Variants in HPSE2 observed in about 807,000 individuals in gnomAD.
HPSE2 encodes heparanase 2 (inactive).
Under a neutral mutation model 60.5 loss-of-function variants are expected in HPSE2, and 38 were observed. The observed-to-expected ratio is 0.63, with a 90% CI of 0.48 to 0.82. The LOEUF (loss-of-function observed/expected upper bound fraction) is 0.82, where lower values mean the gene tolerates loss of function less well. Among genes scored for constraint, HPSE2 ranks in the 40% least tolerant of loss-of-function variants. The pLI, the probability that HPSE2 is intolerant of heterozygous loss-of-function variation, is 0.00. For synonymous variants in HPSE2, 295 were observed against 293.2 expected, an observed-to-expected ratio of 1.01 and a Z score of -0.06; for missense variants, 713 against 740.4, an observed-to-expected ratio of 0.96 and a Z score of 0.43.
chr10:98,547,605 T>A (rs1943727730), intron 9 of HPSE2, among the ~76,000 whole-genome samples: 1 of 124,748 alleles, frequency 8.0e-6, no homozygotes, highest in Non-Finnish European at 1.6e-5. Context: ...AATTGAACAA[T>A]GAGAACACAT....
rs1048180524 is a variant in HPSE2 at position 99,126,336 on chromosome 10, C to T, written c.610+17902G>A. On this transcript the variant is annotated intron_variant, in intron 3 of 11. Coordinates refer to ENST00000370552, the MANE Select transcript of HPSE2 (RefSeq NM_021828.5). This position sits in a 1 kb window ranked among gnomAD's most constrained non-coding sequence, Gnocchi z 4.0. ...CAAGTCTGAGCCCAGACTCACCTAA[C>T]CCTGCCCCAACCTGATGGTATTTCA... Among the ~76,000 whole-genome samples, 19 of 152,140 alleles carry T rather than the reference C, an allele frequency of 1.2e-4. No homozygotes were observed. Among genetic ancestry groups the T allele is most frequent in the African/African-American group, 4.3e-4 (18 of 41,432 alleles).
In HPSE2 at chr10:98,600,911, G is replaced by GTGTATA. The variant is rs1554950517; in HGVS notation, c.1320+13992_1320+13993insTATACA. ...TATATACGTATATATATGTGTGTGT[G>GTGTATA]TATATATATATATATATATATATAT... On this transcript the variant is annotated intron_variant, in intron 9 of 11. Coordinates refer to ENST00000370552, the MANE Select transcript of HPSE2 (RefSeq NM_021828.5). Among the ~76,000 whole-genome samples, 23 of 73,720 alleles carry GTGTATA rather than the reference G, an allele frequency of 3.1e-4. 1 individual carries two copies. Among genetic ancestry groups the GTGTATA allele is most frequent in the African/African-American group, 7.8e-4 (21 of 27,016 alleles). 48.4% of individuals were successfully genotyped at this position (73,720 alleles called of 152,430 possible).
the HPSE2 span, among the ~76,000 whole-genome samples, chr10:99,284,136 C>T: frequency 6.6e-6 from 1 of 152,182 alleles, no homozygotes; most frequent in Admixed American, 6.5e-5. Context: ...CAACAAACTA[C>T]CAGCAAGCAT....
intron 3 of HPSE2, among the ~76,000 whole-genome samples, chr10:98,805,075 A>G (rs1951010741): frequency 1.3e-5 from 2 of 152,272 alleles, no homozygotes; most frequent in South Asian, 4.1e-4. Context: ...CTGAAGATCT[A>G]AAAATCAAAA....
At chr10:99,095,612 G>C (rs544171432) in intron 3 of HPSE2, among the ~76,000 whole-genome samples, 3 of 152,278 alleles carry the variant, frequency 2.0e-5, no homozygotes, top group African/African-American at 7.2e-5. Flanking sequence ...CTATAGGTTT[G>C]ACTATGCCAG....
intron 3 of HPSE2, among the ~76,000 whole-genome samples, chr10:98,904,049 A>C (rs1220487552): frequency 1.3e-5 from 2 of 152,316 alleles, no homozygotes; most frequent in East Asian, 3.9e-4. Flanking sequence ...TGATAATTAA[A>C]TGTAAACATG....
chr10:98,750,352 G>A (rs1949731218), intron 3 of HPSE2, among the ~76,000 whole-genome samples: 2 of 152,094 alleles, frequency 1.3e-5, no homozygotes. Flanking sequence ...GGGCCTTACT[G>A]GTCATTATAA....
chr10:98,726,157 A>G (rs1949072713), intron 4 of HPSE2, among the ~76,000 whole-genome samples: 2 of 152,164 alleles, frequency 1.3e-5, no homozygotes, highest in Non-Finnish European at 2.9e-5. Flanking sequence ...AGCATTATAA[A>G]TCATGCTGCT....
chr10:98,627,918 A>G (rs1946259551), intron 7 of HPSE2, among the ~76,000 whole-genome samples: 1 of 152,226 alleles, frequency 6.6e-6, no homozygotes, highest in African/African-American at 2.4e-5. Context: ...AGAATTTAAA[A>G]TGCACATGGA....
chr10:99,134,614 C>A (rs184493388), intron 3 of HPSE2, among the ~76,000 whole-genome samples: 1 of 152,258 alleles, frequency 6.6e-6, no homozygotes, highest in East Asian at 1.9e-4. Context: ...CATAACCAAC[C>A]AAACTAAGTT....
chr10:99,247,255 A>AT, the HPSE2 span, among the ~76,000 whole-genome samples: 1 of 152,240 alleles, frequency 6.6e-6, no homozygotes, highest in East Asian at 1.9e-4. Flanking sequence ...TCCATAAGAC[A>AT]TTTTTAAACC....
chr10:98,934,915 T>A (rs1377580009), intron 3 of HPSE2, among the ~76,000 whole-genome samples: 1 of 143,558 alleles, frequency 7.0e-6, no homozygotes, highest in Non-Finnish European at 1.5e-5. Flanking sequence ...CTCTTTCAGG[T>A]ATCCAAACAG....
chr10:98,460,954 C>A (rs984540839), intron 11 of HPSE2, among the ~76,000 whole-genome samples: 1 of 152,230 alleles, frequency 6.6e-6, no homozygotes, highest in African/African-American at 2.4e-5. Context: ...AACAGGCCAC[C>A]AGCTGGAAAT....
chr10:98,839,414 G>T (rs1015113847), intron 3 of HPSE2, among the ~76,000 whole-genome samples: 2 of 152,094 alleles, frequency 1.3e-5, no homozygotes, highest in Non-Finnish European at 2.9e-5. Context: ...TAATACTTTT[G>T]TAATCATGAA....
At chr10:99,267,988 G>A in the HPSE2 span, among the ~76,000 whole-genome samples, 3 of 152,210 alleles carry the variant, frequency 2.0e-5, no homozygotes. Flanking sequence ...TCATCGCCTA[G>A]GCACATAGTC....
intron 2 of HPSE2, among the ~76,000 whole-genome samples, chr10:99,214,565 T>C (rs998292294): frequency 1.1e-4 from 16 of 152,004 alleles, no homozygotes; most frequent in Non-Finnish European, 2.1e-4. Flanking sequence ...GAAAACTTTG[T>C]TAACTTAAAG....
intron 2 of HPSE2, among the ~76,000 whole-genome samples, chr10:99,205,841 C>T (rs12571562): frequency 0.021 from 3,167 of 152,262 alleles, 113 homozygotes; most frequent in East Asian, 0.16. Flanking sequence ...CCTAAAATGC[C>T]ATGTGATGCT....
chr10:98,743,424 A>C (rs1386858316), intron 4 of HPSE2, among the ~76,000 whole-genome samples: 1 of 152,202 alleles, frequency 6.6e-6, no homozygotes, highest in African/African-American at 2.4e-5. Flanking sequence ...TTTATATACT[A>C]ATGTGCACTG....
chr10:98,749,204 G>A (rs917542736), intron 3 of HPSE2, among the ~76,000 whole-genome samples: 4 of 151,902 alleles, frequency 2.6e-5, no homozygotes, highest in Non-Finnish European at 5.9e-5. Flanking sequence ...AGTTTCCCTA[G>A]TACTTGACAC....
Sources: allele counts gnomAD v4.1 joint callset (sites outside exome capture counted in the v4.1 genomes callset), GRCh38; gene constraint gnomAD v4.1.1; non-coding constraint Gnocchi (gnomAD v3.1); transcripts MANE v1.5; gene names NCBI Gene and HGNC (gene_info 2026-07-23, HGNC 2026-07-21).